The following COPS3 variants were observed in gnomAD, a reference collection of about 807,000 sequenced individuals.
COPS3 encodes COP9 signalosome subunit 3, also known as COP9 signalosome complex subunit 3.
A neutral mutation model predicts 58.2 loss-of-function variants in COPS3; 10 were observed. That is an observed-to-expected ratio of 0.17 (90% confidence interval 0.11 to 0.29). The LOEUF (loss-of-function observed/expected upper bound fraction) is 0.29. Among genes scored for constraint, COPS3 ranks in the 10% least tolerant of loss-of-function variants. The pLI, the probability that COPS3 is intolerant of heterozygous loss-of-function variation, is 1.00. For synonymous variants in COPS3, 187 were observed against 181.7 expected, an observed-to-expected ratio of 1.03 and a Z score of -0.24; for missense variants, 333 against 510.1, an observed-to-expected ratio of 0.65 and a Z score of 3.34.
At chr17:17,254,136 C>T (rs2047909311) in intron 9 of COPS3, among the ~76,000 whole-genome samples, 1 of 151,618 alleles carries the variant, frequency 6.6e-6, no homozygotes, top group Non-Finnish European at 1.5e-5. Context: ...AACCCCATCT[C>T]TTCAAAAAAA....
At chr17:17,249,356 C>T (rs1306832718) in intron 9 of COPS3, among the ~76,000 whole-genome samples, 4 of 152,106 alleles carry the variant, frequency 2.6e-5, no homozygotes, top group Non-Finnish European at 4.4e-5. Context: ...GATGGAGTCT[C>T]GCTGTCCCCC....
chr17:17,268,854 ATAT>A (rs2048286979), intron 4 of COPS3, among the ~76,000 whole-genome samples: 4 of 141,810 alleles, frequency 2.8e-5, no homozygotes, highest in African/African-American at 1.1e-4. Flanking sequence ...CAACAAAAAT[ATAT>A]ATATATATAT....
intron 10 of COPS3, 181 bp from the exon 11 acceptor site, chr17:17,247,741 T>A: frequency 1.9e-6 from 1 of 531,990 alleles, no homozygotes; most frequent in Non-Finnish European, 3.3e-6. Flanking sequence ...ATCTATCATA[T>A]AATACCAAAT....
At position 17,280,686 on chromosome 17, in the gene COPS3, C is replaced by T. The variant is rs752420009; in HGVS notation, c.55+446G>A. The T allele has an allele frequency of 2.6e-5, 34 of 1,284,980 alleles. No homozygotes were observed. The Admixed American group carries it at 7.4e-4, about 28-fold the overall frequency. The allele number at this position is 1,284,980 out of a possible 1,614,324, so 79.6% of individuals were successfully genotyped here. Reference sequence around the variant, plus strand: ...GAGGCGAGCCATAGAGCCAAGACACCCAGAACGGACTCGCCTCCCGCCCGC... The same window carrying T: ...GAGGCGAGCCATAGAGCCAAGACACTCAGAACGGACTCGCCTCCCGCCCGC... On this transcript the variant is annotated intron_variant, in intron 1 of 11. Transcript: ENST00000268717.
intron 8 of COPS3, among the ~76,000 whole-genome samples, chr17:17,255,878 A>ATAAATAAATAAATAAC (rs929027222): frequency 2.1e-5 from 3 of 140,230 alleles, no homozygotes; most frequent in African/African-American, 5.4e-5. Context: ...AAATAAATAA[A>ATAAATAAATAAATAAC]TAACTGATAG....
chr17:17,267,599 C>CT (rs1395228030), intron 5 of COPS3, among the ~76,000 whole-genome samples: 1 of 145,178 alleles, frequency 6.9e-6, no homozygotes, highest in Non-Finnish European at 1.5e-5. Flanking sequence ...GATTGTGCCA[C>CT]TGCACTCCAG....
At chr17:17,273,127 T>C (rs1201806188) in intron 2 of COPS3, among the ~76,000 whole-genome samples, 3 of 152,190 alleles carry the variant, frequency 2.0e-5, no homozygotes, top group African/African-American at 4.8e-5. Flanking sequence ...TGAGAAGAAA[T>C]TGACTTAAAG....
At chr17:17,247,848 G>A (rs2047757413) in intron 10 of COPS3, 1 of 297,832 alleles carries the variant, frequency 3.4e-6, no homozygotes, top group Admixed American at 4.9e-5. Flanking sequence ...ATGAAGACTA[G>A]ACACCATTTC....
chr17:17,264,220 C>T (rs908058888), intron 6 of COPS3, among the ~76,000 whole-genome samples: 2 of 152,204 alleles, frequency 1.3e-5, no homozygotes. Context: ...TAGGAACTTA[C>T]GAACATCTAA....
chr17:17,270,396 T>A (rs898187118), intron 4 of COPS3, among the ~76,000 whole-genome samples: 2 of 152,218 alleles, frequency 1.3e-5, no homozygotes, highest in African/African-American at 4.8e-5. Flanking sequence ...GAGAATTTTT[T>A]ATATTATTTT....
In COPS3 at chr17:17,247,010, C is replaced by G. The variant is rs2047738365; in HGVS notation, c.*88G>C. ...TTAATTTCTTAGTCTCCAGGTGACA[C>G]AGGCTTGGTCCTCTCTGCTGCCCTC... On this transcript the variant is annotated 3_prime_UTR_variant, in exon 12 of 12. Coordinates refer to ENST00000268717, the MANE Select transcript of COPS3 (RefSeq NM_003653.4). 1.7e-6 allele frequency: 2 copies of G among 1,164,246 alleles called. No individual in the cohort carries two copies. Among genetic ancestry groups the G allele is most frequent in the Admixed American group, 3.4e-5 (2 of 59,188 alleles). 72.1% of individuals were successfully genotyped at this position (1,164,246 alleles called of 1,614,324 possible).
intron 9 of COPS3, among the ~76,000 whole-genome samples, chr17:17,252,983 G>A (rs891324449): frequency 6.6e-6 from 1 of 152,178 alleles, no homozygotes; most frequent in African/African-American, 2.4e-5. Context: ...CCAGCACTTT[G>A]GGAGGCCAAG....
intron 9 of COPS3, among the ~76,000 whole-genome samples, chr17:17,251,508 G>C (rs2047843210): frequency 6.6e-6 from 1 of 151,530 alleles, no homozygotes; most frequent in East Asian, 2.0e-4. Context: ...ATGTTGGCCA[G>C]GCTGGTCTTG....
At chr17:17,248,879 A>T (rs756371016) in intron 10 of COPS3, 47 bp downstream of exon 10, 1 of 1,207,816 alleles carries the variant, frequency 8.3e-7, no homozygotes, top group Non-Finnish European at 1.2e-6. Context: ...TTTCAAATAC[A>T]TCTCAACCAT....
chr17:17,250,730 G>A (rs533349999), intron 9 of COPS3, among the ~76,000 whole-genome samples: 20 of 152,316 alleles, frequency 1.3e-4, no homozygotes, highest in South Asian at 4.1e-4. Context: ...TGTTCCACAC[G>A]GTGATAATAA....
intron 9 of COPS3, among the ~76,000 whole-genome samples, chr17:17,249,848 G>A (rs1051926426): frequency 2.0e-5 from 3 of 151,784 alleles, no homozygotes; most frequent in Non-Finnish European, 4.4e-5. Context: ...GGCTGGTTTC[G>A]AACTCTTAAC....
At position 17,247,470 on chromosome 17, in the gene COPS3, C is replaced by A; in HGVS notation, c.1218+10G>T. ...CAGCCTACTTCTTGTAATAAGGGAA[C>A]CCTCATCACCTTTTGTACAAACTGA... On this transcript the variant is annotated intron_variant, in intron 11 of 11. Coordinates refer to ENST00000268717, the MANE Select transcript of COPS3 (RefSeq NM_003653.4). The A allele has an allele frequency of 1.2e-6, 2 of 1,613,480 alleles. No homozygotes were observed. Among genetic ancestry groups the A allele is most frequent in the Non-Finnish European group, 8.5e-7 (1 of 1,179,426 alleles).
intron 1 of COPS3, 37 bp from the exon 2 acceptor site, chr17:17,276,201 C>T: frequency 6.2e-7 from 1 of 1,608,860 alleles, no homozygotes; most frequent in Non-Finnish European, 8.5e-7. Context: ...ATTTCAGCTA[C>T]AGCACTAACC....
intron 5 of COPS3, among the ~76,000 whole-genome samples, chr17:17,267,357 A>G (rs2048248627): frequency 6.9e-6 from 1 of 145,882 alleles, no homozygotes; most frequent in Non-Finnish European, 1.5e-5. Context: ...AGTTACAACT[A>G]GGGCCGGGTG....
Sources: gnomAD v4.1 joint callset for allele counts (sites outside exome capture counted in the v4.1 genomes callset) on GRCh38, gnomAD v4.1.1 for gene constraint, MANE v1.5 for transcripts, NCBI Gene and HGNC (gene_info 2026-07-23, HGNC 2026-07-21) for gene names.